Variants in PHETA2 observed in about 807,000 individuals in gnomAD.
PHETA2 encodes sesquipedalian-2.
For missense variants in PHETA2, 321 were observed against 341.3 expected, an observed-to-expected ratio of 0.94 and a Z score of 0.47; for synonymous variants, 133 against 142.9, an observed-to-expected ratio of 0.93 and a Z score of 0.50.
chr22:42,077,759 C>A lies in PHETA2; in HGVS notation c.466C>A (p.Arg156Ser), dbSNP rs868417126. 5 of 1,613,254 alleles carry A rather than the reference C, an allele frequency of 3.1e-6. No individual in the cohort carries two copies. The highest frequency in any genetic ancestry group is 2.7e-5 in the African/African-American group (2 of 75,074). The change falls in exon 3 of 3, where the codon CGC becomes AGC. Residue 156 changes from arginine to serine, a missense_variant. Physicochemically the swap from Arg to Ser is moderately radical, Grantham distance 110. Transcript: ENST00000321753. ...CTCATCCTGGAAGTCTGTTGCCAGCCGCTGTAAGCCCCAGGCTCCTAACCA... is the reference window on the plus strand; with the variant it reads ...CTCATCCTGGAAGTCTGTTGCCAGCAGCTGTAAGCCCCAGGCTCCTAACCA... ...RRSSWKSVAS[R>S]CKPQAPNHRA...
At chr22:42,074,719 A>G (rs1488218277) in intron 1 of PHETA2, among the ~76,000 whole-genome samples, 2 of 150,592 alleles carry the variant, frequency 1.3e-5, no homozygotes, top group African/African-American at 4.9e-5. Flanking sequence ...CCTGTGCCCC[A>G]GTGCTGGGCC....
Position 42,079,435 on chromosome 22 carries a change from A to C in PHETA2, c.*1362A>C. ...AAAACACTAGTAAAGCTTTTTCGTT[A>C]TTACTCCTTCCGCTCCCTGGGTTTA... On this transcript the variant is annotated 3_prime_UTR_variant, in exon 3 of 3. Coordinates refer to ENST00000321753, the MANE Select transcript of PHETA2 (RefSeq NM_001002034.3). The C allele has an allele frequency of 2.8e-6, 1 of 357,534 alleles. No individual in the cohort carries two copies. Among genetic ancestry groups the C allele is most frequent in the Non-Finnish European group, 5.3e-6 (1 of 188,120 alleles). The allele number at this position is 357,534 out of a possible 1,614,324, so 22.1% of individuals were successfully genotyped here. A position where few individuals can be genotyped will look rare whatever the true frequency, so the allele number is the denominator to read the frequency against.
Position 42,078,446 on chromosome 22 carries a change from A to G in PHETA2, c.*373A>G, listed in dbSNP as rs531967116. 1 of 234,530 alleles carries G rather than the reference A, an allele frequency of 4.3e-6. No individual in the cohort carries two copies. The highest frequency in any genetic ancestry group is 8.9e-6 in the Non-Finnish European group (1 of 112,330). 14.5% of individuals were successfully genotyped at this position (234,530 alleles called of 1,614,324 possible). On this transcript the variant is annotated 3_prime_UTR_variant, in exon 3 of 3. Coordinates refer to ENST00000321753, the MANE Select transcript of PHETA2 (RefSeq NM_001002034.3). ...GGCCTACACACCGGGCTCTAGAGCC[A>G]TAATTTCCAACCTGGGGAGTCTCCT...
Position 42,077,701 on chromosome 22 carries a change from G to A in PHETA2, c.408G>A (p.Gln136=). 1 of 1,614,152 alleles carries A rather than the reference G, an allele frequency of 6.2e-7. No individual in the cohort carries two copies. The highest frequency in any genetic ancestry group is 8.5e-7 in the Non-Finnish European group (1 of 1,180,042). ...TACGCGAGTTGGAGAGCCAGTTGCA[G>A]GACGCACGCCAGAGCCTGGCTTTGC... ...LVVRELESQL[Q]DARQSLALQR... is the part of the protein sequence containing the mutation. Residue 136 remains glutamine, a synonymous_variant, in exon 3 of 3, where the codon CAG becomes CAA. Coordinates refer to ENST00000321753, the MANE Select transcript of PHETA2 (RefSeq NM_001002034.3).
In PHETA2 at chr22:42,078,951, C is replaced by A. The variant is rs1246661943; in HGVS notation, c.*878C>A. ...GGATTGCGTTTCCTGTGCTAAAATT[C>A]TCTCTCCTGGCTGGGCTCCGGTAAA... is the stretch of plus-strand genomic sequence containing the variant. On this transcript the variant is annotated 3_prime_UTR_variant, in exon 3 of 3. Transcript: ENST00000321753. 2 of 167,092 alleles carry A rather than the reference C, an allele frequency of 1.2e-5. No homozygotes were observed. Among genetic ancestry groups the A allele is most frequent in the African/African-American group, 4.8e-5 (2 of 41,430 alleles). 10.4% of individuals were successfully genotyped at this position (167,092 alleles called of 1,614,324 possible).
intron 2 of PHETA2, among the ~76,000 whole-genome samples, chr22:42,076,454 G>C (rs1927284269): frequency 6.6e-6 from 1 of 152,110 alleles, no homozygotes; most frequent in Non-Finnish European, 1.5e-5. Flanking sequence ...CCACCACCGT[G>C]CCTGGCTAAT....
Position 42,077,385 on chromosome 22 carries a change from G to A in PHETA2, c.92G>A (p.Gly31Glu), listed in dbSNP as rs1927324880. 1.9e-6 allele frequency: 3 copies of A among 1,604,502 alleles called. No homozygotes were observed. In the East Asian group the frequency reaches 6.7e-5, roughly 36 times the overall value. Residue 31 changes from glycine (G) to glutamate (E), a missense_variant, in exon 3 of 3, where the codon GGG becomes GAG. By Grantham distance (98) the Gly-to-Glu change is moderately conservative. Transcript: ENST00000321753. ...MGFLRTWGGP[G>E]TPPTPSGTGR... Reference sequence around the variant, plus strand: ...TTCCTGCGCACCTGGGGGGGCCCAGGGACCCCACCGACCCCCAGTGGCACT... The same window carrying A: ...TTCCTGCGCACCTGGGGGGGCCCAGAGACCCCACCGACCCCCAGTGGCACT...
rs1485734146 is a variant in PHETA2 at position 42,075,541 on chromosome 22, A to C, written c.-96-30A>C. 2 of 152,236 alleles carry C rather than the reference A, an allele frequency of 1.3e-5. No homozygotes were observed. Among genetic ancestry groups the C allele is most frequent in the African/African-American group, 2.4e-5 (1 of 41,448 alleles). 9.4% of individuals were successfully genotyped at this position (152,236 alleles called of 1,614,324 possible). A position where few individuals can be genotyped will look rare whatever the true frequency, so the allele number is the denominator to read the frequency against. ...GTAGGAGTTCTCATTCTTTGGGATA[A>C]GCTGACTGGGCTTGAGAATTGTTTT... On this transcript the variant is annotated intron_variant, in intron 1 of 2. Coordinates refer to ENST00000321753, the MANE Select transcript of PHETA2 (RefSeq NM_001002034.3). This position sits in a 1 kb window ranked among gnomAD's most constrained non-coding sequence, Gnocchi z 4.8.
At chr22:42,076,233 A>C (rs2413667) in intron 2 of PHETA2, 28,774 of 188,728 alleles carry the variant, frequency 0.15, 2,504 homozygotes, top group Non-Finnish European at 0.2. Context: ...AATGCTGTAC[A>C]CTGGACACCC....
At position 42,077,376 on chromosome 22, in the gene PHETA2, G is replaced by A. The variant is rs749276957; in HGVS notation, c.83G>A (p.Gly28Glu). 2 of 1,598,998 alleles carry A rather than the reference G, an allele frequency of 1.3e-6. No homozygotes were observed. Among genetic ancestry groups the A allele is most frequent in the Non-Finnish European group, 1.7e-6 (2 of 1,172,292 alleles). The change falls in exon 3 of 3, where the codon GGG becomes GAG. Residue 28 changes from glycine to glutamate, a missense_variant. Coordinates refer to ENST00000321753, the MANE Select transcript of PHETA2 (RefSeq NM_001002034.3). Reference sequence around the variant, plus strand: ...CACATGGGCTTCCTGCGCACCTGGGGGGGCCCAGGGACCCCACCGACCCCC... The same window carrying A: ...CACATGGGCTTCCTGCGCACCTGGGAGGGCCCAGGGACCCCACCGACCCCC... ...ADHMGFLRTW[G>E]GPGTPPTPSG...
chr22:42,074,792 C>T (rs539705402), intron 1 of PHETA2, among the ~76,000 whole-genome samples: 21 of 143,972 alleles, frequency 1.5e-4, no homozygotes, highest in East Asian at 1.2e-3. Flanking sequence ...CTTCCTGGGC[C>T]CCCCCTACTG....
Position 42,078,032 on chromosome 22 carries a change from CA to C in PHETA2, c.740del (p.Gln247ArgfsTer31), listed in dbSNP as rs760171609. ...ELRQCWQKRA[Q>X]GSHSKCEEQD... The stretch of plus-strand genomic sequence containing the variant: ...GCGGCAGTGTTGGCAGAAGAGGGCC[CA>C]GGGGAGCCACTCAAAATGTGAGGAA... On this transcript the variant is annotated frameshift_variant, in exon 3 of 3. Transcript: ENST00000321753. LOFTEE classifies it low-confidence loss of function (END_TRUNC). The C allele has an allele frequency of 6.2e-7, 1 of 1,607,746 alleles. No homozygotes were observed. Among genetic ancestry groups the C allele is most frequent in the African/African-American group, 1.3e-5 (1 of 74,960 alleles).
At position 42,077,772 on chromosome 22, in the gene PHETA2, A is replaced by G. The variant is rs1453664261; in HGVS notation, c.479A>G (p.Gln160Arg). ...TCTGTTGCCAGCCGCTGTAAGCCCC[A>G]GGCTCCTAACCACCGAGCTGCGGGC... The part of the protein sequence containing the change: ...WKSVASRCKP[Q>R]APNHRAAGLE... The change falls in exon 3 of 3, where the codon CAG (glutamine) becomes CGG (arginine). Residue 160 changes from glutamine (Q) to arginine (R), a missense_variant. By Grantham distance (43) the Gln-to-Arg change is conservative (BLOSUM62 1). Coordinates refer to ENST00000321753, the MANE Select transcript of PHETA2 (RefSeq NM_001002034.3). The G allele has an allele frequency of 1.2e-6, 2 of 1,613,016 alleles. No individual in the cohort carries two copies. The highest frequency in any genetic ancestry group is 2.7e-5 in the African/African-American group (2 of 75,052).
At chr22:42,077,054 C>T (rs1021741057) in intron 2 of PHETA2, among the ~76,000 whole-genome samples, 3 of 152,056 alleles carry the variant, frequency 2.0e-5, no homozygotes, top group African/African-American at 4.8e-5. Flanking sequence ...TCTCGAAGTC[C>T]GCCAGTGTCC....
chr22:42,077,623 G>A lies in PHETA2; in HGVS notation c.330G>A (p.Glu110=), dbSNP rs777000117. Residue 110 remains glutamate, a synonymous_variant, in exon 3 of 3, where the codon GAG becomes GAA. Transcript: ENST00000321753. The part of the protein sequence containing the change: ...LLAAEGPAAQ[E]AWVKVLSRAS... ...CCGCAGAAGGGCCGGCGGCCCAGGA[G>A]GCCTGGGTGAAGGTGCTGTCCCGGG... The A allele has an allele frequency of 1.2e-6, 2 of 1,614,112 alleles. No individual in the cohort carries two copies. The highest frequency in any genetic ancestry group is 1.7e-6 in the Non-Finnish European group (2 of 1,179,994).
At position 42,079,292 on chromosome 22, in the gene PHETA2, A is replaced by G. The variant is rs1927521956; in HGVS notation, c.*1219A>G. On this transcript the variant is annotated 3_prime_UTR_variant, in exon 3 of 3. Coordinates refer to ENST00000321753, the MANE Select transcript of PHETA2 (RefSeq NM_001002034.3). ...ACCCCTAAGAGGCGGAGATGCGCCC[A>G]AGGCGGGCGCCCGGCCTGTTCCCCA... 1 of 169,644 alleles carries G rather than the reference A, an allele frequency of 5.9e-6. No individual in the cohort carries two copies. Among genetic ancestry groups the G allele is most frequent in the South Asian group, 1.8e-4 (1 of 5,452 alleles). The allele number at this position is 169,644 out of a possible 1,614,324, so 10.5% of individuals were successfully genotyped here.
At chr22:42,076,811 C>T (rs750632525) in intron 2 of PHETA2, among the ~76,000 whole-genome samples, 8 of 152,130 alleles carry the variant, frequency 5.3e-5, no homozygotes, top group African/African-American at 1.2e-4. Flanking sequence ...TAAGATTCAA[C>T]AGCTATATGC....
In PHETA2 at chr22:42,077,348, G is replaced by A; in HGVS notation, c.55G>A (p.Asp19Asn). 6.4e-7 allele frequency: 1 copy of A among 1,573,824 alleles called. No individual in the cohort carries two copies. The highest frequency in any genetic ancestry group is 1.2e-5 in the South Asian group (1 of 83,964). ...AHYALSDSPA[D>N]HMGFLRTWGG... ...CTATGCACTCAGCGACTCCCCAGCG[G>A]ACCACATGGGCTTCCTGCGCACCTG... Residue 19 changes from aspartate to asparagine, a missense_variant, in exon 3 of 3, where the codon GAC becomes AAC. Physicochemically the swap from Asp to Asn is conservative, Grantham distance 23. Transcript: ENST00000321753.
chr22:42,077,659 C>G lies in PHETA2; in HGVS notation c.366C>G (p.Gly122=). 1 of 1,614,192 alleles carries G rather than the reference C, an allele frequency of 6.2e-7. No individual in the cohort carries two copies. The highest frequency in any genetic ancestry group is 8.5e-7 in the Non-Finnish European group (1 of 1,180,026). Residue 122 remains glycine, a synonymous_variant, in exon 3 of 3, where the codon GGC becomes GGG. Transcript: ENST00000321753. ...AGGTGCTGTCCCGGGCAAGCTTTGG[C>G]TACATGCGCCTGGTGGTACGCGAGT... ...WVKVLSRASF[G]YMRLVVRELE...
Sources: allele counts gnomAD v4.1 joint callset (sites outside exome capture counted in the v4.1 genomes callset), GRCh38; gene constraint gnomAD v4.1.1; non-coding constraint Gnocchi (gnomAD v3.1); transcripts MANE v1.5; gene names NCBI Gene and HGNC (gene_info 2026-07-23, HGNC 2026-07-21).